The following SNX25 variants were observed in gnomAD, a reference collection of about 807,000 sequenced individuals.
The protein encoded by SNX25 is sorting nexin-25.
Under a neutral mutation model 113.7 loss-of-function variants are expected in SNX25, and 62 were observed. The ratio of observed to expected loss-of-function variants is 0.55; its 90% CI spans 0.44 to 0.67. The LOEUF is 0.67. Ranked by LOEUF, SNX25 falls within the 30% of genes least tolerant of loss-of-function variation. The pLI is 0.00. For synonymous variants in SNX25, 421 were observed against 436.2 expected, an observed-to-expected ratio of 0.97 and a Z score of 0.43; for missense variants, 1,014 against 1,161.0, an observed-to-expected ratio of 0.87 and a Z score of 1.84.
intron 6 of SNX25, among the ~76,000 whole-genome samples, chr4:185,310,227 T>C (rs1755047968): frequency 6.6e-6 from 1 of 152,222 alleles, no homozygotes; most frequent in South Asian, 2.1e-4. Context: ...TAAAAGTCCA[T>C]GAGAGCCAAC....
intron 18 of SNX25, among the ~76,000 whole-genome samples, 183 bp downstream of exon 18, chr4:185,362,894 G>A (rs2095372423): frequency 6.9e-6 from 1 of 144,628 alleles, no homozygotes; most frequent in Non-Finnish European, 1.5e-5. Flanking sequence ...CCAGGCTGGA[G>A]TGCAATGGCA....
chr4:185,231,335 G>A (rs1188236679), intron 1 of SNX25, among the ~76,000 whole-genome samples: 8 of 151,442 alleles, frequency 5.3e-5, no homozygotes, highest in Non-Finnish European at 8.9e-5. Context: ...TCCTGACATC[G>A]TGATCCACCC....
intron 15 of SNX25, 63 bp from the exon 16 acceptor site, chr4:185,357,608 T>C: frequency 7.9e-7 from 1 of 1,262,140 alleles, no homozygotes; most frequent in Non-Finnish European, 1.2e-6. Context: ...TTTGTACAGC[T>C]ATGAAAATGT....
chr4:185,279,077 A>G (rs1348641316), intron 5 of SNX25, among the ~76,000 whole-genome samples: 1 of 151,776 alleles, frequency 6.6e-6, no homozygotes, highest in Non-Finnish European at 1.5e-5. Flanking sequence ...AGATTAAGAA[A>G]TGTATAAATA....
chr4:185,206,031 G>C (rs1737174383), upstream of SNX25, among the ~76,000 whole-genome samples: 1 of 152,196 alleles, frequency 6.6e-6, no homozygotes, highest in African/African-American at 2.4e-5. Flanking sequence ...CAAGAATGTG[G>C]AAAGATCGAA....
At chr4:185,205,511 G>A (rs999059201), upstream of SNX25, among the ~76,000 whole-genome samples, 1 of 151,904 alleles carries the variant, frequency 6.6e-6, no homozygotes, top group African/African-American at 2.4e-5. Flanking sequence ...AAACTGTGTT[G>A]GCACCACTTT....
chr4:185,342,630 G>C (rs935067034), intron 12 of SNX25, among the ~76,000 whole-genome samples: 1 of 150,492 alleles, frequency 6.6e-6, no homozygotes, highest in Non-Finnish European at 1.5e-5. Context: ...ATACAAGGGA[G>C]GCATTAAGGC....
intron 6 of SNX25, among the ~76,000 whole-genome samples, chr4:185,303,358 A>G (rs181638494): frequency 6.4e-4 from 97 of 152,252 alleles, no homozygotes; most frequent in Non-Finnish European, 5.6e-4. Context: ...GAGTTCCAGC[A>G]CCAAGACATT....
chr4:185,351,782 G>A (rs1302851146), intron 14 of SNX25, among the ~76,000 whole-genome samples, 173 bp downstream of exon 14: 2 of 152,146 alleles, frequency 1.3e-5, no homozygotes, highest in Non-Finnish European at 2.9e-5. Flanking sequence ...TGCAGGGGAG[G>A]ACAGAGTGGT....
At chr4:185,239,972 A>G (rs1243562349) in intron 1 of SNX25, among the ~76,000 whole-genome samples, 9 of 150,408 alleles carry the variant, frequency 6.0e-5, no homozygotes, top group African/African-American at 2.0e-4. Flanking sequence ...ATGACTCTTA[A>G]CGAGCATGCT....
chr4:185,334,489 A>G lies in SNX25; in HGVS notation c.1914+1730A>G, dbSNP rs192570580. On this transcript the variant is annotated intron_variant, in intron 10 of 18. Transcript: ENST00000652585. The surrounding 1 kb of genome is among the most constrained non-coding windows in gnomAD (Gnocchi z 4.2). ...TACATACAGAACTCGAAAGCCTGATAGTCTTCCCAGTGACAAGAACATGTC... is the reference window on the plus strand; with the variant it reads ...TACATACAGAACTCGAAAGCCTGATGGTCTTCCCAGTGACAAGAACATGTC... 2.2e-3 allele frequency among the ~76,000 whole-genome samples: 342 copies of G among 152,324 alleles called. No homozygotes were observed. The highest frequency in any genetic ancestry group is 3.8e-3 in the Non-Finnish European group (256 of 68,028).
At chr4:185,269,548 C>T (rs1411410124) in intron 5 of SNX25, among the ~76,000 whole-genome samples, 1 of 152,166 alleles carries the variant, frequency 6.6e-6, no homozygotes, top group African/African-American at 2.4e-5. Context: ...TTGGTAACCC[C>T]AAGTGAGTTT....
intron 2 of SNX25, among the ~76,000 whole-genome samples, chr4:185,248,004 C>T (rs1293962951): frequency 6.6e-6 from 1 of 152,116 alleles, no homozygotes; most frequent in Non-Finnish European, 1.5e-5. Context: ...GAAAACAAGT[C>T]ATGAGTTTAT....
At chr4:185,375,998 A>G in the SNX25 span, among the ~76,000 whole-genome samples, 5 of 152,300 alleles carry the variant, frequency 3.3e-5, no homozygotes, top group South Asian at 6.2e-4. Context: ...TAAGTGGGAT[A>G]TAGGTGAACA....
At chr4:185,293,026 AG>A in intron 6 of SNX25, among the ~76,000 whole-genome samples, 1 of 152,400 alleles carries the variant, frequency 6.6e-6, no homozygotes, top group Non-Finnish European at 1.5e-5. Flanking sequence ...TCTGATAAAA[AG>A]GTTGTATCCA....
chr4:185,291,763 G>A (rs1434006330), intron 6 of SNX25, among the ~76,000 whole-genome samples: 1 of 152,154 alleles, frequency 6.6e-6, no homozygotes, highest in Non-Finnish European at 1.5e-5. Context: ...TTTCTCAACA[G>A]GGGCACTAGT....
At chr4:185,307,042 AGTCCAT>A (rs1209490042) in intron 6 of SNX25, among the ~76,000 whole-genome samples, 1 of 152,220 alleles carries the variant, frequency 6.6e-6, no homozygotes, top group Non-Finnish European at 1.5e-5. Context: ...ATCTTGAACA[AGTCCAT>A]GTATTGACCT....
chr4:185,360,932 TATATA>T lies in SNX25; in HGVS notation c.2652-991_2652-987del, dbSNP rs1316128329. 1.1e-4 allele frequency among the ~76,000 whole-genome samples: 9 copies of T among 78,356 alleles called. No individual in the cohort carries two copies. In the South Asian group the frequency reaches 3.3e-3, roughly 29 times the overall value. 51.4% of individuals were successfully genotyped at this position (78,356 alleles called of 152,430 possible). A position where few individuals can be genotyped will look rare whatever the true frequency, so the allele number is the denominator to read the frequency against. On this transcript the variant is annotated intron_variant, in intron 16 of 18. Transcript: ENST00000652585. ...AGACTCCGTCTCAAAAAAAAAATAA[TATATA>T]TATATATATATATATAGAATCTGTC...
intron 15 of SNX25, among the ~76,000 whole-genome samples, chr4:185,354,676 A>T (rs1221326272): frequency 6.6e-6 from 1 of 152,246 alleles, no homozygotes; most frequent in Non-Finnish European, 1.5e-5. Context: ...TCTCCCTGAA[A>T]GCATCACCTT....
Sources: gnomAD v4.1 joint callset for allele counts (sites outside exome capture counted in the v4.1 genomes callset) on GRCh38, gnomAD v4.1.1 for gene constraint, Gnocchi (gnomAD v3.1) non-coding constraint, MANE v1.5 for transcripts, NCBI Gene and HGNC (gene_info 2026-07-23, HGNC 2026-07-21) for gene names.